TASP1: variants seen among roughly 807,000 people sequenced by gnomAD.
TASP1 encodes the protein taspase 1.
Under a neutral mutation model 56.6 loss-of-function variants are expected in TASP1, and 16 were observed. The ratio of observed to expected loss-of-function variants is 0.28; its 90% CI spans 0.19 to 0.43. The LOEUF (loss-of-function observed/expected upper bound fraction) is 0.43. TASP1 is among the 20% of genes least tolerant of loss of function. The pLI, the probability that TASP1 is intolerant of heterozygous loss-of-function variation, is 1.00. For synonymous variants in TASP1, 179 were observed against 184.2 expected, an observed-to-expected ratio of 0.97 and a Z score of 0.23; for missense variants, 393 against 511.6, an observed-to-expected ratio of 0.77 and a Z score of 2.24.
intron 13 of TASP1, among the ~76,000 whole-genome samples, chr20:13,416,977 A>C (rs1320140042): frequency 6.6e-6 from 1 of 152,236 alleles, no homozygotes; most frequent in Non-Finnish European, 1.5e-5. Context: ...ACACACTGAA[A>C]GGTGAGACAG....
chr20:13,260,472 T>C, the TASP1 span, among the ~76,000 whole-genome samples: 7 of 152,210 alleles, frequency 4.6e-5, no homozygotes, highest in African/African-American at 1.2e-4. Flanking sequence ...GGTAGAAGGA[T>C]AGAGAGAAAG....
chr20:13,583,882 C>A (rs565878357), intron 5 of TASP1, among the ~76,000 whole-genome samples: 1 of 152,214 alleles, frequency 6.6e-6, no homozygotes, highest in East Asian at 1.9e-4. Flanking sequence ...GAGTTCAAGA[C>A]CAGCTTGGCC....
the TASP1 span, among the ~76,000 whole-genome samples, chr20:13,263,769 G>T: frequency 1.3e-5 from 2 of 152,200 alleles, no homozygotes; most frequent in Non-Finnish European, 2.9e-5. Flanking sequence ...AACAAGCATT[G>T]TCGATAATAA....
intron 12 of TASP1, among the ~76,000 whole-genome samples, chr20:13,430,030 T>C (rs1420173324): frequency 6.6e-6 from 1 of 151,398 alleles, no homozygotes; most frequent in Non-Finnish European, 1.5e-5. Flanking sequence ...AGGCTGGAGG[T>C]GAGGAGGCTA....
chr20:13,409,341 G>A (rs1275868146), intron 13 of TASP1, among the ~76,000 whole-genome samples: 1 of 151,958 alleles, frequency 6.6e-6, no homozygotes, highest in African/African-American at 2.4e-5. Context: ...AAAGAAGGAT[G>A]TTAAAGTTTC....
the TASP1 span, among the ~76,000 whole-genome samples, chr20:13,313,004 C>G: frequency 3.3e-5 from 5 of 152,158 alleles, no homozygotes; most frequent in Non-Finnish European, 7.4e-5. Flanking sequence ...TGAGCCTCAT[C>G]TGCGCATCTT....
intron 10 of TASP1, among the ~76,000 whole-genome samples, chr20:13,503,418 G>A (rs1054452495): frequency 3.9e-5 from 6 of 152,016 alleles, no homozygotes; most frequent in Admixed American, 6.6e-5. Flanking sequence ...TGGAATAGGC[G>A]TAAAAAAAAG....
the TASP1 span, among the ~76,000 whole-genome samples, chr20:13,257,605 A>G: frequency 1.2e-3 from 187 of 152,220 alleles, no homozygotes; most frequent in South Asian, 0.012. Context: ...TATCATCACT[A>G]TATCTATGGG....
intron 10 of TASP1, among the ~76,000 whole-genome samples, chr20:13,499,599 G>A (rs2043869085): frequency 1.3e-5 from 2 of 152,070 alleles, no homozygotes; most frequent in African/African-American, 4.8e-5. Flanking sequence ...GACCATAAAG[G>A]GGCAAGCCTG....
the TASP1 span, chr20:13,279,648 G>A: frequency 6.2e-7 from 1 of 1,613,454 alleles, no homozygotes; most frequent in Non-Finnish European, 8.5e-7. Flanking sequence ...CCATAGAGGT[G>A]GTCGACGGTC....
intron 11 of TASP1, among the ~76,000 whole-genome samples, chr20:13,438,236 G>A (rs73610481): frequency 0.058 from 8,862 of 151,996 alleles, 367 homozygotes; most frequent in African/African-American, 0.12. Flanking sequence ...GAGGCATCAC[G>A]CTACCTGACT....
intron 8 of TASP1, among the ~76,000 whole-genome samples, chr20:13,539,124 T>C (rs1349055962): frequency 3.3e-5 from 5 of 152,148 alleles, no homozygotes; most frequent in African/African-American, 7.2e-5. Context: ...AATCTGAACA[T>C]AGGAACACTC....
intron 12 of TASP1, among the ~76,000 whole-genome samples, chr20:13,429,092 TG>T (rs2042713921): frequency 6.6e-6 from 1 of 152,194 alleles, no homozygotes; most frequent in Admixed American, 6.5e-5. Flanking sequence ...CAAAGACCTA[TG>T]ATTTATTCCT....
the TASP1 span, chr20:13,166,877 A>G: frequency 2.6e-5 from 4 of 152,174 alleles, no homozygotes; most frequent in African/African-American, 9.7e-5. Flanking sequence ...CATGGAGGAT[A>G]TTGGGTCTAA....
the TASP1 span, among the ~76,000 whole-genome samples, chr20:13,262,001 G>T: frequency 6.6e-6 from 1 of 152,170 alleles, no homozygotes; most frequent in African/African-American, 2.4e-5. Flanking sequence ...TTCGACACCC[G>T]TTCCCTCTGG....
At chr20:13,587,398 A>G in intron 4 of TASP1, 28 bp from the exon 5 acceptor site, 1 of 1,562,720 alleles carries the variant, frequency 6.4e-7, no homozygotes, top group Non-Finnish European at 8.7e-7. Flanking sequence ...AAATTAAAAT[A>G]TCATTAGTCT....
intron 6 of TASP1, among the ~76,000 whole-genome samples, chr20:13,576,945 CT>C (rs1462182821): frequency 6.6e-6 from 1 of 152,188 alleles, no homozygotes; most frequent in African/African-American, 2.4e-5. Context: ...CCCTCTTCCC[CT>C]GAGGTAATCA....
intron 13 of TASP1, chr20:13,392,802 A>T (rs988577212): frequency 6.4e-6 from 4 of 626,388 alleles, no homozygotes; most frequent in Non-Finnish European, 1.2e-5. Flanking sequence ...TCAACTACAT[A>T]GTCTACATGT....
the TASP1 span, among the ~76,000 whole-genome samples, chr20:13,236,830 A>G: frequency 6.6e-6 from 1 of 152,232 alleles, no homozygotes; most frequent in Admixed American, 6.5e-5. Context: ...GGTGACACTG[A>G]TGCAAGAGGT....
Sources: gnomAD v4.1 joint callset for allele counts (sites outside exome capture counted in the v4.1 genomes callset) on GRCh38, gnomAD v4.1.1 for gene constraint, MANE v1.5 for transcripts, NCBI Gene and HGNC (gene_info 2026-07-23, HGNC 2026-07-21) for gene names.